The following SDK1 variants were observed in gnomAD, a reference collection of about 807,000 sequenced individuals.
The protein encoded by SDK1 is protein sidekick-1.
A neutral mutation model predicts 245.5 loss-of-function variants in SDK1; 157 were observed. The observed-to-expected ratio is 0.64, with a 90% CI of 0.56 to 0.73. SDK1 has a LOEUF of 0.73. Among genes scored for constraint, SDK1 ranks in the 30% least tolerant of loss-of-function variants. The pLI is 0.00. For missense variants in SDK1, 3,583 were observed against 3,002.3 expected (o/e 1.19, Z -4.52); for synonymous variants, 1,647 against 1,278.5 (o/e 1.29, Z -6.15).
chr7:4,216,985 ACACCACC>A (rs1784834370), intron 38 of SDK1, among the ~76,000 whole-genome samples: 1 of 149,010 alleles, frequency 6.7e-6, no homozygotes, highest in Non-Finnish European at 1.5e-5. Flanking sequence ...CCGGAGCACC[ACACCACC>A]CGGAGCACCA....
intron 1 of SDK1, among the ~76,000 whole-genome samples, chr7:3,414,940 G>A (rs944787707): frequency 6.6e-6 from 1 of 152,080 alleles, no homozygotes; most frequent in Non-Finnish European, 1.5e-5. Flanking sequence ...ATATTTCCGT[G>A]CACGGATATA....
chr7:3,449,116 AT>A (rs1780435132), intron 1 of SDK1, among the ~76,000 whole-genome samples: 1 of 152,222 alleles, frequency 6.6e-6, no homozygotes, highest in African/African-American at 2.4e-5. Context: ...AGAAATTAGG[AT>A]TCATTGAGTC....
chr7:3,981,101 C>T (rs1458827026), intron 13 of SDK1, among the ~76,000 whole-genome samples: 4 of 152,086 alleles, frequency 2.6e-5, no homozygotes, highest in Non-Finnish European at 4.4e-5. Flanking sequence ...GCAATTTTTC[C>T]AACGGCACCT....
At chr7:3,509,087 T>C (rs1583974015) in intron 1 of SDK1, among the ~76,000 whole-genome samples, 1 of 150,654 alleles carries the variant, frequency 6.6e-6, no homozygotes, top group African/African-American at 2.5e-5. Context: ...TGTGTGTGCG[T>C]GTGTGTGTGT....
In SDK1 at chr7:4,100,834, G is replaced by A. The variant is rs562887950; in HGVS notation, c.3325-9829G>A. On this transcript the variant is annotated intron_variant, in intron 22 of 44. Coordinates refer to ENST00000404826, the MANE Select transcript of SDK1 (RefSeq NM_152744.4). ...TGGACCGCTCGGCACAGCAAGAGCCGTGAATTGGAGTCGGGTGAGATGGAT... is the reference window on the plus strand; with the variant it reads ...TGGACCGCTCGGCACAGCAAGAGCCATGAATTGGAGTCGGGTGAGATGGAT... 1.2e-4 allele frequency among the ~76,000 whole-genome samples: 19 copies of A among 152,308 alleles called. No individual in the cohort carries two copies. The South Asian group carries it at 3.1e-3, about 25-fold the overall frequency.
chr7:4,033,686 C>T (rs1355611314), intron 17 of SDK1, among the ~76,000 whole-genome samples: 1 of 152,024 alleles, frequency 6.6e-6, no homozygotes, highest in Non-Finnish European at 1.5e-5. Flanking sequence ...GTGCAAATGG[C>T]CCATAACCAC....
intron 4 of SDK1, among the ~76,000 whole-genome samples, chr7:3,698,234 A>G (rs1245892525): frequency 9.2e-5 from 14 of 152,210 alleles, no homozygotes; most frequent in Non-Finnish European, 1.5e-5. Flanking sequence ...CAAACCCCCA[A>G]GCAAAGGCTG....
intron 1 of SDK1, among the ~76,000 whole-genome samples, chr7:3,479,555 T>G (rs761702135): frequency 5.9e-5 from 9 of 151,828 alleles, no homozygotes. Context: ...TAGCAATTAG[T>G]GAGATATGTT....
chr7:3,655,373 C>T (rs948222611), intron 4 of SDK1, among the ~76,000 whole-genome samples: 21 of 147,486 alleles, frequency 1.4e-4, no homozygotes, highest in Admixed American at 1.2e-3. Context: ...GTGGAGGTTG[C>T]GGTGAGCCGA....
chr7:3,707,475 G>C (rs77420632), intron 4 of SDK1, among the ~76,000 whole-genome samples: 196 of 152,136 alleles, frequency 1.3e-3, no homozygotes, highest in African/African-American at 4.6e-3. Context: ...TCCATTATAC[G>C]GTCTATCTTG....
intron 1 of SDK1, among the ~76,000 whole-genome samples, chr7:3,526,467 A>G (rs1477681677): frequency 2.0e-5 from 3 of 152,196 alleles, no homozygotes; most frequent in Admixed American, 1.3e-4. Context: ...CTCCCTTTCT[A>G]TAACATATAG....
intron 1 of SDK1, among the ~76,000 whole-genome samples, chr7:3,524,430 G>C (rs753677458): frequency 6.6e-6 from 1 of 152,162 alleles, no homozygotes; most frequent in Non-Finnish European, 1.5e-5. Context: ...GAGGTAATTG[G>C]ATCAGGTGAT....
chr7:3,598,791 AGTTT>A (rs535154701), intron 1 of SDK1, among the ~76,000 whole-genome samples: 2 of 152,214 alleles, frequency 1.3e-5, no homozygotes, highest in South Asian at 4.1e-4. Context: ...AGGTATCAAT[AGTTT>A]GTTCCATTTT....
At chr7:4,257,681 C>T (rs1351693871) in intron 44 of SDK1, among the ~76,000 whole-genome samples, 2 of 152,156 alleles carry the variant, frequency 1.3e-5, no homozygotes, top group South Asian at 2.1e-4. Context: ...CTTGGAGCCT[C>T]GTGTCTCTGC....
chr7:4,115,178 C>G (rs992325789), intron 25 of SDK1, among the ~76,000 whole-genome samples: 1 of 152,226 alleles, frequency 6.6e-6, no homozygotes, highest in African/African-American at 2.4e-5. Context: ...TCCCTTCAGT[C>G]TGATCTGAAT....
chr7:3,859,224 G>A (rs1042999776), intron 5 of SDK1, among the ~76,000 whole-genome samples: 1 of 152,118 alleles, frequency 6.6e-6, no homozygotes, highest in Non-Finnish European at 1.5e-5. Flanking sequence ...GGCAGGTGAT[G>A]GTTGGGGGCT....
chr7:4,231,633 A>G (rs912772298), intron 40 of SDK1, among the ~76,000 whole-genome samples: 6 of 139,302 alleles, frequency 4.3e-5, no homozygotes, highest in African/African-American at 1.3e-4. Context: ...TCAGAGAGGG[A>G]GGGAGGGAGG....
intron 1 of SDK1, among the ~76,000 whole-genome samples, chr7:3,360,106 T>G (rs1282306588): frequency 6.6e-6 from 1 of 152,222 alleles, no homozygotes; most frequent in African/African-American, 2.4e-5. Context: ...TGTCATGGCC[T>G]TCAGCATTCT....
intron 1 of SDK1, among the ~76,000 whole-genome samples, chr7:3,514,404 T>TA (rs1184179134): frequency 6.6e-6 from 1 of 152,210 alleles, no homozygotes; most frequent in Non-Finnish European, 1.5e-5. Context: ...GATGAACTAT[T>TA]ACTGTTTTTG....
Sources: gnomAD v4.1 joint callset for allele counts (sites outside exome capture counted in the v4.1 genomes callset) on GRCh38, gnomAD v4.1.1 for gene constraint, MANE v1.5 for transcripts, NCBI Gene and HGNC (gene_info 2026-07-23, HGNC 2026-07-21) for gene names.